Variants in TACC3 observed in about 807,000 individuals in gnomAD.
TACC3 encodes transforming acidic coiled-coil-containing protein 3.
TACC3 carries 52 observed loss-of-function variants against 86.0 expected under a neutral mutation model. The ratio of observed to expected loss-of-function variants is 0.60; its 90% confidence interval spans 0.48 to 0.76. The LOEUF (loss-of-function observed/expected upper bound fraction) is 0.76, where lower values mean the gene tolerates loss of function less well. TACC3 is among the 30% of genes least tolerant of loss of function. The probability of loss-of-function intolerance (pLI) is 0.00; values close to 1 mark genes in which losing one functional copy is unlikely to be tolerated. For synonymous variants in TACC3, 512 were observed against 430.0 expected (o/e 1.19, Z -2.36); for missense variants, 1,120 against 1,070.4 (o/e 1.05, Z -0.65).
intron 13 of TACC3, chr4:1,741,526 C>A (rs1718600049): frequency 6.6e-6 from 1 of 152,552 alleles, no homozygotes; most frequent in Non-Finnish European, 1.5e-5. Flanking sequence ...ATCCATCTGC[C>A]CAGAGCAGGC....
chr4:1,741,034 C>G (rs116568711), intron 13 of TACC3, 48 bp downstream of exon 13: 1 of 1,549,896 alleles, frequency 6.5e-7, no homozygotes, highest in East Asian at 2.3e-5. Flanking sequence ...CTGATGGACT[C>G]ATGGTCCAAG....
intron 12 of TACC3, 89 bp from the exon 13 acceptor site, chr4:1,740,737 G>C (rs554024592): frequency 7.3e-6 from 9 of 1,228,370 alleles, no homozygotes; most frequent in Non-Finnish European, 3.4e-6. Context: ...CCTGGCGCTC[G>C]AGTCCCTTGC....
intron 10 of TACC3, 183 bp from the exon 11 acceptor site, chr4:1,739,519 C>G (rs952498954): frequency 3.3e-6 from 2 of 607,166 alleles, no homozygotes; most frequent in Admixed American, 5.9e-5. Context: ...GTCGGGTGCA[C>G]GTGGAGCAGG....
chr4:1,732,818 T>C (rs1718069853), intron 6 of TACC3, among the ~76,000 whole-genome samples: 1 of 152,214 alleles, frequency 6.6e-6, no homozygotes, highest in Non-Finnish European at 1.5e-5. Flanking sequence ...CGTGGCAGCT[T>C]GGCTTCACAT....
rs34859791 is a variant in TACC3, at chr4:1,735,677, C to CT, written c.1645-54_1645-53insT. Reference sequence around the variant, plus strand: ...GGTGACCTCCCTGGCCCTTAGCCCCCGTGTGTGTTAGGGGATGGCAGTCAG... The same window carrying CT: ...GGTGACCTCCCTGGCCCTTAGCCCCCTGTGTGTGTTAGGGGATGGCAGTCAG... On this transcript the variant is annotated intron_variant, in intron 7 of 15. Coordinates refer to ENST00000313288, the MANE Select transcript of TACC3 (RefSeq NM_006342.3). The surrounding 1 kb of genome is among the most constrained non-coding windows in gnomAD (Gnocchi z 4.2). 223 of 1,430,768 alleles carry CT rather than the reference C, an allele frequency of 1.6e-4. 1 individual carries two copies. Among genetic ancestry groups the CT allele is most frequent in the Non-Finnish European group, 1.9e-4 (193 of 1,017,452 alleles). 88.6% of individuals were successfully genotyped at this position (1,430,768 alleles called of 1,614,324 possible). A position where few individuals can be genotyped will look rare whatever the true frequency, so the allele number is the denominator to read the frequency against.
intron 6 of TACC3, among the ~76,000 whole-genome samples, chr4:1,734,049 A>T (rs1718135403): frequency 6.6e-6 from 1 of 152,214 alleles, no homozygotes; most frequent in African/African-American, 2.4e-5. Context: ...GCTAGACTAA[A>T]TAATTGGCAA....
chr4:1,744,566 A>G lies in TACC3; in HGVS notation c.2272A>G (p.Thr758Ala), dbSNP rs1200964486. The G allele has an allele frequency of 6.2e-7, 1 of 1,613,134 alleles. No homozygotes were observed. Among genetic ancestry groups the G allele is most frequent in the Non-Finnish European group, 8.5e-7 (1 of 1,179,994 alleles). The change falls in exon 14 of 16, where the codon ACC becomes GCC. Residue 758 changes from threonine (T) to alanine (A), a missense_variant. Thr to Ala is a moderately conservative substitution (Grantham distance 58). Transcript: ENST00000313288. ...CGTGGAGGATTACCTGGCAAGGATC[A>G]CCCAGGAGGGCCAGAGGTACCAAGC... The part of the protein sequence containing the change: ...KCVEDYLARI[T>A]QEGQRYQALK...
chr4:1,729,971 G>A (rs886851515), intron 4 of TACC3, among the ~76,000 whole-genome samples: 37 of 152,184 alleles, frequency 2.4e-4, no homozygotes, highest in African/African-American at 8.9e-4. Context: ...CACCTCTTCC[G>A]GTCACTTTCT....
chr4:1,728,748 C>T lies in TACC3; in HGVS notation c.1346C>T (p.Ala449Val), dbSNP rs770763829. Residue 449 changes from alanine to valine, a missense_variant, in exon 4 of 16, where the codon GCT becomes GTT. Ala to Val is a moderately conservative substitution (Grantham distance 64). Transcript: ENST00000313288. ...CAGCCAGCGGCTGAACAGTTGCATG[C>T]TGGGCCTGCCACGGAGGAGCCAGGT... ...LGQPAAEQLHAGPATEEPGPC... is the reference protein window; with the variant it reads ...LGQPAAEQLHVGPATEEPGPC... The T allele has an allele frequency of 1.9e-6, 3 of 1,611,510 alleles. No individual in the cohort carries two copies. The East Asian group carries it at 6.7e-5, about 36-fold the overall frequency.
At position 1,744,560 on chromosome 4, in the gene TACC3, A is replaced by G; in HGVS notation, c.2266A>G (p.Arg756Gly). The change falls in exon 14 of 16, where the codon AGG (arginine) becomes GGG (glycine). Residue 756 changes from arginine (R) to glycine (G), a missense_variant. Arg to Gly is a moderately radical substitution (Grantham distance 125, BLOSUM62 -2). Transcript: ENST00000313288. ...GAAGTGCGTGGAGGATTACCTGGCA[A>G]GGATCACCCAGGAGGGCCAGAGGTA... Reference protein sequence around the residue: ...LKKCVEDYLARITQEGQRYQA... With the variant: ...LKKCVEDYLAGITQEGQRYQA... 1 of 1,613,210 alleles carries G rather than the reference A, an allele frequency of 6.2e-7. No individual in the cohort carries two copies.
chr4:1,740,996 C>T lies in TACC3; in HGVS notation c.2223+10C>T, dbSNP rs1285246875. On this transcript the variant is annotated intron_variant, in intron 13 of 15. Transcript: ENST00000313288. Reference sequence around the variant, plus strand: ...CGAGGGCTACCGCAAGGTATGTCTCCGCCACCCTGGTGTCCTCACCTCGGA... The same window carrying T: ...CGAGGGCTACCGCAAGGTATGTCTCTGCCACCCTGGTGTCCTCACCTCGGA... 16 of 1,599,162 alleles carry T rather than the reference C, an allele frequency of 1.0e-5. No individual in the cohort carries two copies. Among genetic ancestry groups the T allele is most frequent in the African/African-American group, 2.7e-5 (2 of 73,880 alleles).
chr4:1,723,162 T>C, intron 1 of TACC3: 1 of 514,244 alleles, frequency 1.9e-6, no homozygotes, highest in Non-Finnish European at 3.5e-6. Flanking sequence ...CTGAAGGCCC[T>C]TTAGCTCTTG....
chr4:1,724,730 A>G (rs958584288), intron 3 of TACC3, among the ~76,000 whole-genome samples: 7 of 151,332 alleles, frequency 4.6e-5, no homozygotes, highest in African/African-American at 1.7e-4. Context: ...CCCCAGAGGC[A>G]TGATTTTCTG....
chr4:1,744,344 G>A (rs934489277), intron 13 of TACC3, 174 bp from the exon 14 acceptor site: 5 of 621,368 alleles, frequency 8.0e-6, no homozygotes, highest in Non-Finnish European at 1.4e-5. Context: ...AACCTCCAGA[G>A]GGGGTGAGCT....
chr4:1,734,111 C>T (rs1426419565), intron 6 of TACC3, among the ~76,000 whole-genome samples: 2 of 152,174 alleles, frequency 1.3e-5, no homozygotes, highest in Admixed American at 1.3e-4. Flanking sequence ...TACTGCTAGG[C>T]ATGAAGAAAG....
intron 6 of TACC3, among the ~76,000 whole-genome samples, chr4:1,733,629 G>A (rs1394773723): frequency 6.6e-6 from 1 of 152,222 alleles, no homozygotes; most frequent in Admixed American, 6.5e-5. Context: ...CTGCACTCCA[G>A]TCTGGGCGAC....
At chr4:1,722,816 A>G (rs55716619) in intron 1 of TACC3, among the ~76,000 whole-genome samples, 32,680 of 152,078 alleles carry the variant, frequency 0.21, 3,789 homozygotes, top group Non-Finnish European at 0.26. Flanking sequence ...TCTGATGTGG[A>G]AGTTCCTTGG....
At position 1,723,530 on chromosome 4, in the gene TACC3, C is replaced by T. The variant is rs373800152; in HGVS notation, c.109C>T (p.Arg37Cys). ...PEVTGRSSVL[R>C]VSQKENVPPK... Reference sequence around the variant, plus strand: ...AGTTACCGGAAGATCGTCTGTTCTTCGTGTGTCACAGAAAGAAAATGTGCC... The same window carrying T: ...AGTTACCGGAAGATCGTCTGTTCTTTGTGTGTCACAGAAAGAAAATGTGCC... The change falls in exon 2 of 16, where the codon CGT (arginine) becomes TGT (cysteine). Residue 37 changes from arginine (R) to cysteine (C), a missense_variant. Physicochemically the swap from Arg to Cys is radical, Grantham distance 180. Coordinates refer to ENST00000313288, the MANE Select transcript of TACC3 (RefSeq NM_006342.3). 1.6e-5 allele frequency: 26 copies of T among 1,613,770 alleles called. No homozygotes were observed. The highest frequency in any genetic ancestry group is 1.6e-4 in the African/African-American group (12 of 75,064).
intron 3 of TACC3, among the ~76,000 whole-genome samples, chr4:1,724,792 C>A (rs144570096): frequency 1.0e-4 from 15 of 146,364 alleles, no homozygotes; most frequent in African/African-American, 3.8e-4. Flanking sequence ...GACAGAGTTT[C>A]GCTCTGTCAC....
Sources: gnomAD v4.1 joint callset for allele counts (sites outside exome capture counted in the v4.1 genomes callset) on GRCh38, gnomAD v4.1.1 for gene constraint, Gnocchi (gnomAD v3.1) non-coding constraint, MANE v1.5 for transcripts, NCBI Gene and HGNC (gene_info 2026-07-23, HGNC 2026-07-21) for gene names.